ITPR2: variants seen among roughly 807,000 people sequenced by gnomAD.
ITPR2 encodes the protein inositol 1,4,5-trisphosphate-gated calcium channel ITPR2.
Under a neutral mutation model 317.1 loss-of-function variants are expected in ITPR2, and 207 were observed. That is an observed-to-expected ratio of 0.65 (90% CI 0.58 to 0.73). The LOEUF (loss-of-function observed/expected upper bound fraction) is 0.73, where lower values mean the gene tolerates loss of function less well. Among genes scored for constraint, ITPR2 ranks in the 30% least tolerant of loss-of-function variants. ITPR2 has a pLI of 0.00. For missense variants in ITPR2, 2,613 were observed against 3,284.0 expected (o/e 0.80, Z 4.99); for synonymous variants, 1,156 against 1,149.1 (o/e 1.01, Z -0.12).
chr12:26,472,310 T>C (rs1942309001), intron 45 of ITPR2, among the ~76,000 whole-genome samples: 1 of 152,232 alleles, frequency 6.6e-6, no homozygotes, highest in Admixed American at 6.5e-5. Context: ...TTTAATCTCT[T>C]ACAGTGTAAT....
chr12:26,514,424 C>T (rs1943436655), intron 37 of ITPR2, among the ~76,000 whole-genome samples: 1 of 152,236 alleles, frequency 6.6e-6, no homozygotes, highest in Admixed American at 6.5e-5. Flanking sequence ...AAAAGATATT[C>T]TGCTGTATCA....
chr12:26,809,600 C>T (rs758894462), intron 1 of ITPR2, among the ~76,000 whole-genome samples: 20 of 152,178 alleles, frequency 1.3e-4, no homozygotes, highest in Non-Finnish European at 2.5e-4. Context: ...TTCTCACTCT[C>T]TTTTATAATG....
At chr12:26,355,598 G>A (rs1938613408) in intron 55 of ITPR2, among the ~76,000 whole-genome samples, 1 of 152,186 alleles carries the variant, frequency 6.6e-6, no homozygotes, top group African/African-American at 2.4e-5. Context: ...TTTTGTGAGA[G>A]TGGTCCGTAC....
intron 48 of ITPR2, among the ~76,000 whole-genome samples, chr12:26,433,102 C>A (rs888256143): frequency 6.6e-6 from 1 of 152,208 alleles, no homozygotes; most frequent in Non-Finnish European, 1.5e-5. Context: ...CTAAGCTAAT[C>A]CTGACCAAAA....
intron 1 of ITPR2, among the ~76,000 whole-genome samples, chr12:26,794,361 A>G (rs577374078): frequency 1.3e-5 from 2 of 152,344 alleles, no homozygotes; most frequent in Admixed American, 1.3e-4. Flanking sequence ...ATTTTCACAA[A>G]TGCCAACAGT....
In ITPR2 at chr12:26,430,077, A is replaced by C. The variant is rs74712327; in HGVS notation, c.6770-1989T>G. 0.013 allele frequency among the ~76,000 whole-genome samples: 2,013 copies of C among 152,340 alleles called. 111 individuals carry two copies. In the East Asian group the frequency reaches 0.17, roughly 13 times the overall value. Reference sequence around the variant, plus strand: ...TTTGATCCCTTTGTGAAAAGAACTCAAAGAGTGTCTAGTATAGTAGCTTGC... The same window carrying C: ...TTTGATCCCTTTGTGAAAAGAACTCCAAGAGTGTCTAGTATAGTAGCTTGC... On this transcript the variant is annotated intron_variant, in intron 48 of 56. Coordinates refer to ENST00000381340, the MANE Select transcript of ITPR2 (RefSeq NM_002223.4).
At position 26,595,497 on chromosome 12, in the gene ITPR2, A is replaced by G; in HGVS notation, c.4348T>C (p.Leu1450=). 6.2e-7 allele frequency: 1 copy of G among 1,608,778 alleles called. No homozygotes were observed. Among genetic ancestry groups the G allele is most frequent in the Non-Finnish European group, 8.5e-7 (1 of 1,178,566 alleles). ...EIYTSNHIWK[L]FENFLVDMAR... ...ATATCCACCAAGAAGTTCTCAAATA[A>G]TTTCCAAATGTGGTTACTTGTATAG... Residue 1450 remains leucine (L), a synonymous_variant, in exon 32 of 57, where the codon TTA becomes CTA. Coordinates refer to ENST00000381340, the MANE Select transcript of ITPR2 (RefSeq NM_002223.4).
intron 49 of ITPR2, among the ~76,000 whole-genome samples, chr12:26,427,551 T>A (rs1360727618): frequency 1.3e-5 from 2 of 152,186 alleles, no homozygotes; most frequent in Non-Finnish European, 2.9e-5. Flanking sequence ...TTGAACATAA[T>A]TTAATCTTTT....
chr12:26,711,240 C>T lies in ITPR2; in HGVS notation c.884G>A (p.Gly295Asp). The T allele has an allele frequency of 6.2e-7, 1 of 1,613,638 alleles. No individual in the cohort carries two copies. Among genetic ancestry groups the T allele is most frequent in the Non-Finnish European group, 8.5e-7 (1 of 1,179,618 alleles). ...GAACAAGCTGTTCCACTGTCCTGCA[C>T]CCCCACGGCATGGGTCATGATGAAC... ...EVVHHDPCRG[G>D]AGQWNSLFRF... is the part of the protein sequence containing the mutation. The change falls in exon 9 of 57, where the codon GGT becomes GAT. Residue 295 changes from glycine to aspartate, a missense_variant. By Grantham distance (94) the Gly-to-Asp change is moderately conservative (BLOSUM62 -1). Transcript: ENST00000381340.
chr12:26,812,027 G>A (rs1950760421), intron 1 of ITPR2, among the ~76,000 whole-genome samples: 1 of 151,246 alleles, frequency 6.6e-6, no homozygotes, highest in African/African-American at 2.4e-5. Flanking sequence ...GCTGGGCATG[G>A]TGGCACACAC....
At chr12:26,495,427 A>G in intron 37 of ITPR2, 167 bp from the exon 38 acceptor site, 1 of 543,302 alleles carries the variant, frequency 1.8e-6, no homozygotes, top group Non-Finnish European at 3.3e-6. Context: ...AATGCATCCC[A>G]ATAAAATAAT....
At chr12:26,699,579 AT>A (rs1335549172) in intron 9 of ITPR2, among the ~76,000 whole-genome samples, 8 of 152,220 alleles carry the variant, frequency 5.3e-5, no homozygotes, top group African/African-American at 1.9e-4. Context: ...CTGCAATATG[AT>A]TTTTTAAATA....
chr12:26,400,088 A>G (rs773985345), intron 53 of ITPR2, 40 bp downstream of exon 53: 1 of 1,566,724 alleles, frequency 6.4e-7, no homozygotes, highest in Non-Finnish European at 8.6e-7. Flanking sequence ...GTTTAAAAAA[A>G]AGATGTGCTC....
At position 26,486,151 on chromosome 12, in the gene ITPR2, G is replaced by GT. The variant is rs1439809304; in HGVS notation, c.5763dup (p.Leu1922ThrfsTer9). On this transcript the variant is annotated frameshift_variant, in exon 41 of 57. Coordinates refer to ENST00000381340, the MANE Select transcript of ITPR2 (RefSeq NM_002223.4). LOFTEE classifies it high-confidence loss of function. ...TCACACAGTAACTGAAGAAATCTCA[G>GT]TATTGGCTGCATGATGGCAATTGCG... The GT allele has an allele frequency of 6.2e-7, 1 of 1,614,134 alleles. No individual in the cohort carries two copies. Among genetic ancestry groups the GT allele is most frequent in the Non-Finnish European group, 8.5e-7 (1 of 1,179,982 alleles).
intron 45 of ITPR2, among the ~76,000 whole-genome samples, chr12:26,462,150 A>C (rs1228247025): frequency 2.2e-5 from 1 of 45,174 alleles, no homozygotes; most frequent in Non-Finnish European, 7.6e-5. Context: ...CTACACAAGG[A>C]AAACTTTTGT....
At chr12:26,636,075 C>T (rs576204203) in intron 21 of ITPR2, among the ~76,000 whole-genome samples, 29 of 152,328 alleles carry the variant, frequency 1.9e-4, no homozygotes, top group Non-Finnish European at 3.5e-4. Flanking sequence ...GCTAGTTCTA[C>T]GTAGTACATA....
At chr12:26,757,692 C>T (rs1949551455) in intron 2 of ITPR2, among the ~76,000 whole-genome samples, 1 of 152,206 alleles carries the variant, frequency 6.6e-6, no homozygotes, top group African/African-American at 2.4e-5. Context: ...GACATGTCCC[C>T]ATTGTAATTC....
At chr12:26,579,673 T>A (rs1945351050) in intron 33 of ITPR2, among the ~76,000 whole-genome samples, 1 of 152,160 alleles carries the variant, frequency 6.6e-6, no homozygotes, top group African/African-American at 2.4e-5. Context: ...GAAGTTTTAG[T>A]ACATAAATCT....
intron 37 of ITPR2, among the ~76,000 whole-genome samples, chr12:26,510,680 G>C (rs1943321006): frequency 6.6e-6 from 1 of 152,178 alleles, no homozygotes; most frequent in Non-Finnish European, 1.5e-5. Context: ...AACACAAATT[G>C]TTTTAATAAT....
Sources: gnomAD v4.1 joint callset for allele counts (sites outside exome capture counted in the v4.1 genomes callset) on GRCh38, gnomAD v4.1.1 for gene constraint, MANE v1.5 for transcripts, NCBI Gene and HGNC (gene_info 2026-07-23, HGNC 2026-07-21) for gene names.